The following THRAP3 variants were observed in gnomAD, a reference collection of about 807,000 sequenced individuals.
THRAP3 encodes the protein thyroid hormone receptor associated protein 3, also known as thyroid hormone receptor-associated protein 3.
In THRAP3, 16 loss-of-function variants were observed where a neutral mutation model predicts 101.0. The ratio of observed to expected loss-of-function variants is 0.16; its 90% CI spans 0.11 to 0.24. The LOEUF (loss-of-function observed/expected upper bound fraction) is 0.24, where lower values mean the gene tolerates loss of function less well. Ranked by LOEUF, THRAP3 falls within the 10% of genes least tolerant of loss-of-function variation. The pLI is 1.00. For synonymous variants in THRAP3, 407 were observed against 422.6 expected (o/e 0.96, Z 0.45); for missense variants, 989 against 1,202.7 (o/e 0.82, Z 2.63).
chr1:36,236,547 C>G (rs1645090813), intron 1 of THRAP3, among the ~76,000 whole-genome samples: 1 of 152,038 alleles, frequency 6.6e-6, no homozygotes. Context: ...CCTCCCACTT[C>G]CCCCTCCCAA....
chr1:36,294,573 CACATAT>C (rs1173024105), intron 8 of THRAP3, among the ~76,000 whole-genome samples: 5 of 152,194 alleles, frequency 3.3e-5, no homozygotes, highest in Non-Finnish European at 7.3e-5. Flanking sequence ...GATCTTCATT[CACATAT>C]ACAGTTGAAA....
chr1:36,275,995 A>T (rs539816569), intron 2 of THRAP3, among the ~76,000 whole-genome samples: 1 of 152,224 alleles, frequency 6.6e-6, no homozygotes, highest in Non-Finnish European at 1.5e-5. Context: ...TTCCAACCTG[A>T]GTGACAGAGT....
chr1:36,211,192 A>G, the THRAP3 span, among the ~76,000 whole-genome samples: 19 of 151,372 alleles, frequency 1.3e-4, no homozygotes, highest in Non-Finnish European at 2.7e-4. Context: ...AGACTCTGTC[A>G]CTATTAAAAA....
At chr1:36,282,747 G>T (rs746397015) in intron 3 of THRAP3, 47 bp downstream of exon 3, 1 of 1,604,494 alleles carries the variant, frequency 6.2e-7, no homozygotes, top group African/African-American at 1.3e-5. Flanking sequence ...TGCATCAGTC[G>T]ATGTGGATGT....
At chr1:36,238,906 GTTCT>G (rs144511885) in intron 1 of THRAP3, among the ~76,000 whole-genome samples, 5,355 of 151,906 alleles carry the variant, frequency 0.035, 150 homozygotes, top group Non-Finnish European at 0.052. Flanking sequence ...ATGCCCGACT[GTTCT>G]TTCTTTCTTT....
At chr1:36,250,182 C>T (rs573517376) in intron 1 of THRAP3, among the ~76,000 whole-genome samples, 1 of 151,154 alleles carries the variant, frequency 6.6e-6, no homozygotes, top group Admixed American at 6.6e-5. Context: ...CTGAAATTTC[C>T]TTCCAAATAG....
chr1:36,250,490 G>A (rs1645286978), intron 1 of THRAP3, among the ~76,000 whole-genome samples: 1 of 152,104 alleles, frequency 6.6e-6, no homozygotes. Context: ...GGGATTACAG[G>A]CGGTATATTC....
intron 3 of THRAP3, among the ~76,000 whole-genome samples, chr1:36,284,898 A>G (rs1645776524): frequency 6.6e-6 from 1 of 152,054 alleles, no homozygotes; most frequent in African/African-American, 2.4e-5. Context: ...TTATATTGTT[A>G]CTGTTTTCAA....
chr1:36,222,257 G>A (rs1392391335), upstream of THRAP3, among the ~76,000 whole-genome samples: 15 of 152,006 alleles, frequency 9.9e-5, no homozygotes, highest in Admixed American at 9.8e-4. Flanking sequence ...CATAACACTA[G>A]TGCACACAAT....
chr1:36,233,437 G>A (rs1645051336), intron 1 of THRAP3, among the ~76,000 whole-genome samples: 1 of 151,328 alleles, frequency 6.6e-6, no homozygotes, highest in Non-Finnish European at 1.5e-5. Flanking sequence ...ACCTGGGAGG[G>A]GGAGCTTGCA....
At chr1:36,256,222 A>G (rs12749610) in intron 1 of THRAP3, among the ~76,000 whole-genome samples, 4 of 87,892 alleles carry the variant, frequency 4.6e-5, no homozygotes, top group Admixed American at 1.3e-4. Flanking sequence ...TATTATTGTT[A>G]TTATTATTAT....
chr1:36,256,191 T>TATTATG (rs1344931917), intron 1 of THRAP3, among the ~76,000 whole-genome samples: 1 of 110,760 alleles, frequency 9.0e-6, no homozygotes, highest in African/African-American at 2.9e-5. Context: ...CTGCCTGGAT[T>TATTATG]ATTATTATTA....
chr1:36,283,292 G>T (rs1645756593), intron 3 of THRAP3, among the ~76,000 whole-genome samples: 1 of 152,174 alleles, frequency 6.6e-6, no homozygotes, highest in Admixed American at 6.5e-5. Context: ...TTTATTGCCA[G>T]TATTTCCTAA....
chr1:36,275,033 G>T (rs1645638945), intron 2 of THRAP3, among the ~76,000 whole-genome samples: 1 of 150,616 alleles, frequency 6.6e-6, no homozygotes, highest in Non-Finnish European at 1.5e-5. Context: ...CAGCACTTTG[G>T]GAGGCTGGGG....
Position 36,291,537 on chromosome 1 carries a change from C to A in THRAP3, c.1909C>A (p.His637Asn), listed in dbSNP as rs751485304. The change falls in exon 6 of 12, where the codon CAT (histidine) becomes AAT (asparagine). Residue 637 changes from histidine (H) to asparagine (N), a missense_variant. Transcript: ENST00000354618. ...CCAACATATAGTGACCATTGTTCAC[C>A]ATGTTAAAGGTGAGTCCAGACCCTG... ...FAQHIVTIVH[H>N]VKEHHFGSSG... 6.2e-7 allele frequency: 1 copy of A among 1,614,010 alleles called. No homozygotes were observed. Among genetic ancestry groups the A allele is most frequent in the African/African-American group, 1.3e-5 (1 of 74,922 alleles).
At chr1:36,213,971 A>AAGAAGGAAAG in the THRAP3 span, among the ~76,000 whole-genome samples, 1 of 103,286 alleles carries the variant, frequency 9.7e-6, no homozygotes, top group Non-Finnish European at 1.9e-5. Context: ...AGGAAAGAGA[A>AAGAAGGAAAG]AGAAAGAAAG....
chr1:36,257,411 A>G (rs1391490940), intron 1 of THRAP3, among the ~76,000 whole-genome samples: 4 of 152,226 alleles, frequency 2.6e-5, no homozygotes, highest in Non-Finnish European at 4.4e-5. Flanking sequence ...TATTTGTTGA[A>G]TAAGTGGACA....
At chr1:36,213,955 GAAA>G in the THRAP3 span, among the ~76,000 whole-genome samples, 25 of 116,286 alleles carry the variant, frequency 2.1e-4, no homozygotes, top group Non-Finnish European at 3.5e-4. Context: ...AAGAAAGAAA[GAAA>G]GAAGGAAAGA....
chr1:36,275,965 G>T (rs1179940824), intron 2 of THRAP3, among the ~76,000 whole-genome samples: 1 of 152,180 alleles, frequency 6.6e-6, no homozygotes, highest in Non-Finnish European at 1.5e-5. Context: ...GCTGCAGTGA[G>T]TTGAGATTGC....
Sources: gnomAD v4.1 joint callset for allele counts (sites outside exome capture counted in the v4.1 genomes callset) on GRCh38, gnomAD v4.1.1 for gene constraint, MANE v1.5 for transcripts, NCBI Gene and HGNC (gene_info 2026-07-23, HGNC 2026-07-21) for gene names.